Variants in AGBL4 observed in about 807,000 individuals in gnomAD.
AGBL4 encodes the protein AGBL carboxypeptidase 4, also known as cytosolic carboxypeptidase 6.
In AGBL4, 58 loss-of-function variants were observed where a neutral mutation model predicts 66.4. That is an observed-to-expected ratio of 0.87 (90% CI 0.71 to 1.09). AGBL4 has a LOEUF of 1.09. Among genes scored for constraint, AGBL4 ranks in the 50% least tolerant of loss-of-function variants. The pLI is 0.00. For missense variants in AGBL4, 579 were observed against 631.0 expected (o/e 0.92, Z 0.88); for synonymous variants, 234 against 222.9 (o/e 1.05, Z -0.44).
At chr1:49,739,377 C>T (rs920414776) in intron 2 of AGBL4, among the ~76,000 whole-genome samples, 3 of 152,128 alleles carry the variant, frequency 2.0e-5, no homozygotes, top group Admixed American at 2.0e-4. Flanking sequence ...AAGAAATGAA[C>T]AAAGCCTCCA....
intron 6 of AGBL4, among the ~76,000 whole-genome samples, chr1:48,693,948 A>G (rs1278213089): frequency 6.7e-6 from 1 of 149,858 alleles, no homozygotes; most frequent in East Asian, 2.0e-4. Flanking sequence ...CCTGACCTGC[A>G]TGGGCTATAC....
At chr1:48,893,472 G>A (rs904560346) in intron 5 of AGBL4, among the ~76,000 whole-genome samples, 5 of 151,950 alleles carry the variant, frequency 3.3e-5, no homozygotes, top group African/African-American at 9.7e-5. Context: ...ACGAGGTCAG[G>A]AGATTGAGAC....
At chr1:48,548,342 C>G (rs1429485587) in intron 11 of AGBL4, among the ~76,000 whole-genome samples, 1 of 151,952 alleles carries the variant, frequency 6.6e-6, no homozygotes, top group East Asian at 1.9e-4. Flanking sequence ...AGCACCAAAG[C>G]GGAGTTAATC....
chr1:48,599,302 G>T (rs141470548), intron 9 of AGBL4, among the ~76,000 whole-genome samples: 68 of 152,234 alleles, frequency 4.5e-4, no homozygotes, highest in Non-Finnish European at 8.5e-4. Flanking sequence ...ACATAGTTAC[G>T]TATTATTATT....
At chr1:48,540,314 C>T (rs556582477) in intron 11 of AGBL4, among the ~76,000 whole-genome samples, 1 of 152,274 alleles carries the variant, frequency 6.6e-6, no homozygotes, top group Non-Finnish European at 1.5e-5. Flanking sequence ...GCTGTAAAAG[C>T]ACAAACTTCT....
chr1:50,017,785 AT>A (rs1662105106), intron 1 of AGBL4, among the ~76,000 whole-genome samples: 1 of 152,152 alleles, frequency 6.6e-6, no homozygotes, highest in Non-Finnish European at 1.5e-5. Context: ...GTTGGATACT[AT>A]GCTTATTAGC....
At position 49,158,431 on chromosome 1, in the gene AGBL4, A is replaced by T. The variant is rs1282035448; in HGVS notation, c.377+87339T>A. On this transcript the variant is annotated intron_variant, in intron 4 of 13. Transcript: ENST00000371839. Reference sequence around the variant, plus strand: ...ATTTGATTGCACTGTGGTCTGAGAGACTGTTTCTTATGATTTCTGTTCTTT... The same window carrying T: ...ATTTGATTGCACTGTGGTCTGAGAGTCTGTTTCTTATGATTTCTGTTCTTT... Among the ~76,000 whole-genome samples the T allele has an allele frequency of 2.6e-5, 4 of 152,048 alleles. 1 individual carries two copies. Among genetic ancestry groups the T allele is most frequent in the Non-Finnish European group, 5.9e-5 (4 of 67,992 alleles).
At chr1:49,485,506 TA>T (rs1647047706) in intron 3 of AGBL4, among the ~76,000 whole-genome samples, 1 of 150,536 alleles carries the variant, frequency 6.6e-6, no homozygotes, top group African/African-American at 2.4e-5. Flanking sequence ...TACCTAATGT[TA>T]AATGATGAGT....
intron 4 of AGBL4, among the ~76,000 whole-genome samples, chr1:49,131,915 C>A (rs547224054): frequency 5.3e-5 from 8 of 151,986 alleles, no homozygotes; most frequent in Non-Finnish European, 7.4e-5. Flanking sequence ...ACATCAAAGA[C>A]AAGATATGGA....
chr1:48,672,160 T>C (rs1352604521), intron 6 of AGBL4, among the ~76,000 whole-genome samples: 1 of 152,188 alleles, frequency 6.6e-6, no homozygotes, highest in African/African-American at 2.4e-5. Context: ...TTCTCCGTAA[T>C]GGATTTTTCC....
intron 4 of AGBL4, among the ~76,000 whole-genome samples, chr1:49,243,140 A>C (rs556099638): frequency 6.6e-6 from 1 of 151,636 alleles, no homozygotes; most frequent in South Asian, 2.1e-4. Context: ...TTTATCCTAA[A>C]GTAAGAATTT....
intron 4 of AGBL4, among the ~76,000 whole-genome samples, chr1:49,129,416 A>C (rs1645837854): frequency 1.3e-5 from 2 of 151,308 alleles, no homozygotes; most frequent in Non-Finnish European, 2.9e-5. Flanking sequence ...GCACCCATTA[A>C]CTCGTCATTT....
intron 13 of AGBL4, among the ~76,000 whole-genome samples, chr1:48,534,629 G>A (rs529936742): frequency 2.0e-5 from 3 of 152,230 alleles, no homozygotes; most frequent in Admixed American, 6.5e-5. Flanking sequence ...AACCCATCAA[G>A]CTCTGACCTT....
At chr1:49,731,321 C>A (rs1395581394) in intron 2 of AGBL4, among the ~76,000 whole-genome samples, 1 of 152,112 alleles carries the variant, frequency 6.6e-6, no homozygotes, top group African/African-American at 2.4e-5. Context: ...TTGCCCTAAA[C>A]CCCCTCATGC....
chr1:49,612,412 G>T (rs1396152594), intron 3 of AGBL4, among the ~76,000 whole-genome samples: 1 of 151,860 alleles, frequency 6.6e-6, no homozygotes, highest in Non-Finnish European at 1.5e-5. Flanking sequence ...CACACAGTAG[G>T]CGTCAACTTT....
At chr1:49,248,975 T>A (rs1163983988) in intron 3 of AGBL4, among the ~76,000 whole-genome samples, 5 of 152,224 alleles carry the variant, frequency 3.3e-5, no homozygotes, top group Non-Finnish European at 4.4e-5. Flanking sequence ...TTCAAGGCAG[T>A]CATATGTGAG....
chr1:48,636,031 T>A (rs1645662840), intron 8 of AGBL4, among the ~76,000 whole-genome samples: 1 of 152,226 alleles, frequency 6.6e-6, no homozygotes, highest in Non-Finnish European at 1.5e-5. Flanking sequence ...TTCCCCACTG[T>A]GGCACATTTA....
intron 6 of AGBL4, 47 bp downstream of exon 6, chr1:48,867,144 T>G: frequency 6.3e-7 from 1 of 1,598,758 alleles, no homozygotes; most frequent in Non-Finnish European, 8.6e-7. Flanking sequence ...AAGGCATCAT[T>G]CAAGAAATAA....
At chr1:49,472,854 G>T (rs1272417341) in intron 3 of AGBL4, among the ~76,000 whole-genome samples, 1 of 151,798 alleles carries the variant, frequency 6.6e-6, no homozygotes, top group East Asian at 1.9e-4. Flanking sequence ...AGTGTTTATT[G>T]TTCCCATCTT....
Sources: gnomAD v4.1 joint callset for allele counts (sites outside exome capture counted in the v4.1 genomes callset) on GRCh38, gnomAD v4.1.1 for gene constraint, MANE v1.5 for transcripts, NCBI Gene and HGNC (gene_info 2026-07-23, HGNC 2026-07-21) for gene names.